Variants in AK9 observed in about 807,000 individuals in gnomAD.
AK9 encodes the protein adenylate kinase 9.
Under a neutral mutation model 239.6 loss-of-function variants are expected in AK9, and 191 were observed. The ratio of observed to expected loss-of-function variants is 0.80; its 90% CI spans 0.71 to 0.90. AK9 has a LOEUF of 0.90. AK9 is among the 40% of genes least tolerant of loss of function. The pLI is 0.00. For missense variants in AK9, 1,995 were observed against 2,214.7 expected (o/e 0.90, Z 1.99); for synonymous variants, 689 against 721.0 (o/e 0.96, Z 0.71).
chr6:109,502,439 A>G (rs1777693414), intron 35 of AK9, among the ~76,000 whole-genome samples: 1 of 152,192 alleles, frequency 6.6e-6, no homozygotes, highest in Non-Finnish European at 1.5e-5. Context: ...CCACAAGCTC[A>G]GGAATGCTGA....
Position 109,550,205 on chromosome 6 carries a change from T to C in AK9, c.2849A>G (p.Asn950Ser), listed in dbSNP as rs1784197052. The C allele has an allele frequency of 3.1e-6, 5 of 1,613,940 alleles. 1 individual carries two copies. In the Middle Eastern group the frequency reaches 4.9e-4, roughly 160 times the overall value. The change falls in exon 25 of 41, where the codon AAC becomes AGC. Residue 950 changes from asparagine (N) to serine (S), a missense_variant. Around this residue, in one of 5 missense-constraint regions of AK9, gnomAD observed 1,290 missense variants for 1,392.7 expected, o/e 0.93. Transcript: ENST00000424296. Reference protein sequence around the residue: ...LKENFILQPGNTEEAAKYREK... With the variant: ...LKENFILQPGSTEEAAKYREK... ...TCGATACTTGGCTGCTTCTTCTGTGTTTCCTGGTTGCAGGATGAAGTTTTC... is the reference window on the plus strand; with the variant it reads ...TCGATACTTGGCTGCTTCTTCTGTGCTTCCTGGTTGCAGGATGAAGTTTTC...
In AK9 at chr6:109,645,132, A is replaced by AGC. The variant is rs1364353984; in HGVS notation, c.760-446_760-445dup. Among the ~76,000 whole-genome samples the AGC allele has an allele frequency of 4.6e-5, 7 of 152,214 alleles. No individual in the cohort carries two copies. The East Asian group carries it at 1.3e-3, about 29-fold the overall frequency. The stretch of plus-strand genomic sequence containing the variant: ...GGAACAGTTCCGGTCTACAGCTCCC[A>AGC]GCGTGATCGATGCAGAAGATGGGTG... On this transcript the variant is annotated intron_variant, in intron 8 of 40. Transcript: ENST00000424296.
At chr6:109,557,788 T>C (rs760739513) in intron 24 of AK9, among the ~76,000 whole-genome samples, 75 of 152,248 alleles carry the variant, frequency 4.9e-4, no homozygotes, top group Non-Finnish European at 8.8e-4. Flanking sequence ...ATGGTAGGTG[T>C]ATATTTATCT....
chr6:109,540,253 A>C (rs1782678247), intron 27 of AK9, among the ~76,000 whole-genome samples: 1 of 152,170 alleles, frequency 6.6e-6, no homozygotes, highest in African/African-American at 2.4e-5. Flanking sequence ...TGCTCCACCC[A>C]GTTAGAGCTT....
rs140819430 is a variant in AK9 at position 109,519,282 on chromosome 6, G to A, written c.3634-2640C>T. 3.8e-3 allele frequency among the ~76,000 whole-genome samples: 572 copies of A among 152,328 alleles called. 5 individuals carry two copies. Among genetic ancestry groups the A allele is most frequent in the African/African-American group, 0.013 (546 of 41,572 alleles). On this transcript the variant is annotated intron_variant, in intron 29 of 40. Transcript: ENST00000424296. ...GAATAGGGCTATGATGAACATATGA[G>A]TGGATGTGTATTTTTGGTAGAACAA...
At chr6:109,494,586 T>C (rs1240731307) in intron 39 of AK9, 3 of 152,648 alleles carry the variant, frequency 2.0e-5, no homozygotes, top group Non-Finnish European at 4.4e-5. Context: ...GCCCTCCTGA[T>C]AAAAATTGGC....
rs186359109 is a variant in AK9 at position 109,558,403 on chromosome 6, A to G, written c.2751+5194T>C. 2.0e-5 allele frequency among the ~76,000 whole-genome samples: 3 copies of G among 152,254 alleles called. No homozygotes were observed. The East Asian group carries it at 5.8e-4, about 29-fold the overall frequency. ...TAATACATTCTAAGTTAGTTTTTGTATATCATGTGAGGTTTGGTTCAAAGT... is the reference window on the plus strand; with the variant it reads ...TAATACATTCTAAGTTAGTTTTTGTGTATCATGTGAGGTTTGGTTCAAAGT... On this transcript the variant is annotated intron_variant, in intron 24 of 40. Transcript: ENST00000424296.
intron 17 of AK9, among the ~76,000 whole-genome samples, chr6:109,596,600 G>T (rs1791065422): frequency 1.3e-5 from 2 of 152,178 alleles, no homozygotes; most frequent in African/African-American, 4.8e-5. Flanking sequence ...AGGCTAGCAG[G>T]TGTGCCTAAT....
rs1356140977 is a variant in AK9, at chr6:109,625,170, G to A, written c.1255-5934C>T. Among the ~76,000 whole-genome samples, 3 of 152,098 alleles carry A rather than the reference G, an allele frequency of 2.0e-5. No homozygotes were observed. The East Asian group carries it at 5.8e-4, about 29-fold the overall frequency. On this transcript the variant is annotated intron_variant, in intron 12 of 40. Coordinates refer to ENST00000424296, the MANE Select transcript of AK9 (RefSeq NM_001145128.3). Reference sequence around the variant, plus strand: ...GTTTGTTTAGTGTTTAGGTGATCTGGCTTGGCAATTATATTATGAAACTCG... The same window carrying A: ...GTTTGTTTAGTGTTTAGGTGATCTGACTTGGCAATTATATTATGAAACTCG...
chr6:109,632,323 C>T, intron 12 of AK9: 2 of 985,546 alleles, frequency 2.0e-6, no homozygotes, highest in African/African-American at 1.7e-5. Context: ...AGGCAATCCT[C>T]AAGCCACATT....
At chr6:109,671,554 T>G (rs912993433) in intron 5 of AK9, among the ~76,000 whole-genome samples, 1 of 152,172 alleles carries the variant, frequency 6.6e-6, no homozygotes, top group Non-Finnish European at 1.5e-5. Context: ...GCCTTCTAAG[T>G]GTGGATTAAT....
intron 12 of AK9, among the ~76,000 whole-genome samples, chr6:109,619,742 G>C (rs558823137): frequency 6.5e-4 from 99 of 152,190 alleles, no homozygotes; most frequent in Non-Finnish European, 1.0e-3. Context: ...AGGAGTTCAA[G>C]AGCAGCCTGA....
At chr6:109,620,230 T>C (rs1005143328) in intron 12 of AK9, among the ~76,000 whole-genome samples, 1 of 152,040 alleles carries the variant, frequency 6.6e-6, no homozygotes, top group Admixed American at 6.6e-5. Context: ...TAATAAACCA[T>C]CAAACTGTTT....
intron 7 of AK9, among the ~76,000 whole-genome samples, chr6:109,658,231 G>C (rs542875583): frequency 6.6e-6 from 1 of 152,022 alleles, no homozygotes; most frequent in African/African-American, 2.4e-5. Flanking sequence ...CTCAATACAC[G>C]TCTTTTCCAA....
At chr6:109,648,521 C>T (rs1448068869) in intron 8 of AK9, among the ~76,000 whole-genome samples, 1 of 152,152 alleles carries the variant, frequency 6.6e-6, no homozygotes, top group African/African-American at 2.4e-5. Flanking sequence ...GACACATACA[C>T]CCTCCCAAGA....
intron 12 of AK9, among the ~76,000 whole-genome samples, chr6:109,621,939 C>A (rs1583293265): frequency 1.1e-4 from 12 of 107,210 alleles, no homozygotes; most frequent in Admixed American, 1.9e-4. Flanking sequence ...AGAGAAATTC[C>A]AGAGCAAAAA....
intron 37 of AK9, 63 bp from the exon 38 acceptor site, chr6:109,497,626 TA>T (rs1777213442): frequency 7.3e-7 from 1 of 1,377,464 alleles, no homozygotes; most frequent in South Asian, 1.3e-5. Flanking sequence ...CCTGTGTAAA[TA>T]AAAAGTCAAA....
At chr6:109,495,271 T>C in intron 39 of AK9, 67 bp downstream of exon 39, 2 of 1,235,654 alleles carry the variant, frequency 1.6e-6, no homozygotes, top group Non-Finnish European at 2.2e-6. Flanking sequence ...AAAATGAAAA[T>C]TAGTGTTAAA....
At chr6:109,497,345 C>CAT (rs1777146350) in intron 38 of AK9, 120 bp downstream of exon 38, 3 of 609,484 alleles carry the variant, frequency 4.9e-6, no homozygotes, top group Non-Finnish European at 8.7e-6. Flanking sequence ...CACACACACA[C>CAT]ACACACACAC....
Sources: allele counts gnomAD v4.1 joint callset (sites outside exome capture counted in the v4.1 genomes callset), GRCh38; gene constraint gnomAD v4.1.1; regional missense constraint gnomAD v4.1.1; transcripts MANE v1.5; gene names NCBI Gene and HGNC (gene_info 2026-07-23, HGNC 2026-07-21).